Variants in GPC6 observed in about 807,000 individuals in gnomAD.
The protein encoded by GPC6 is glypican 6.
Under a neutral mutation model 55.2 loss-of-function variants are expected in GPC6, and 14 were observed. The ratio of observed to expected loss-of-function variants is 0.25; its 90% CI spans 0.17 to 0.40. GPC6 has a LOEUF of 0.40. Among genes scored for constraint, GPC6 ranks in the 10% least tolerant of loss-of-function variants. The pLI, the probability that GPC6 is intolerant of heterozygous loss-of-function variation, is 1.00. For missense variants in GPC6, 641 were observed against 708.5 expected, an observed-to-expected ratio of 0.90 and a Z score of 1.08; for synonymous variants, 278 against 259.6, an observed-to-expected ratio of 1.07 and a Z score of -0.68.
At chr13:93,560,598 G>A (rs551891012) in intron 2 of GPC6, among the ~76,000 whole-genome samples, 23 of 151,568 alleles carry the variant, frequency 1.5e-4, no homozygotes, top group South Asian at 4.2e-4. Context: ...GCTCATGCCT[G>A]TAATCCCAGC....
chr13:93,443,285 C>A (rs573890056), intron 1 of GPC6, among the ~76,000 whole-genome samples: 15 of 152,072 alleles, frequency 9.9e-5, no homozygotes, highest in Non-Finnish European at 2.1e-4. Context: ...CGCTAGGGAC[C>A]AATTCTTATG....
At chr13:94,301,057 A>G (rs1409040716) in intron 5 of GPC6, among the ~76,000 whole-genome samples, 1 of 152,182 alleles carries the variant, frequency 6.6e-6, no homozygotes. Context: ...CCATGAGGAA[A>G]CCATGGTCAA....
intron 1 of GPC6, among the ~76,000 whole-genome samples, chr13:93,241,859 T>C (rs1876442674): frequency 6.6e-6 from 1 of 151,990 alleles, no homozygotes; most frequent in African/African-American, 2.4e-5. Flanking sequence ...GATGTAACTA[T>C]AATGTGTATA....
chr13:93,891,503 A>C (rs977426945), intron 3 of GPC6, among the ~76,000 whole-genome samples: 56 of 152,122 alleles, frequency 3.7e-4, no homozygotes, highest in African/African-American at 1.3e-3. Context: ...CTCTGCAGAA[A>C]CACAGCTCTG....
At chr13:94,374,674 A>T (rs372710537) in intron 6 of GPC6, among the ~76,000 whole-genome samples, 1 of 151,476 alleles carries the variant, frequency 6.6e-6, no homozygotes, top group Admixed American at 6.6e-5. Flanking sequence ...TCAACAAGGA[A>T]ACCCAGGAAT....
chr13:93,237,527 T>C (rs1015027995), intron 1 of GPC6, among the ~76,000 whole-genome samples: 4 of 152,208 alleles, frequency 2.6e-5, no homozygotes, highest in Non-Finnish European at 4.4e-5. Flanking sequence ...GTTTGTTTAC[T>C]CTTTTGATTA....
chr13:93,818,158 G>A (rs954336036), intron 2 of GPC6, among the ~76,000 whole-genome samples: 2 of 148,940 alleles, frequency 1.3e-5, no homozygotes, highest in Admixed American at 6.7e-5. Context: ...AGAAATGAAG[G>A]TAGGATATAG....
At chr13:94,369,977 T>A (rs1047117396) in intron 6 of GPC6, among the ~76,000 whole-genome samples, 23 of 152,240 alleles carry the variant, frequency 1.5e-4, no homozygotes, top group African/African-American at 5.5e-4. Flanking sequence ...TTGACAAATA[T>A]TTATGAAGCA....
chr13:94,057,577 C>T (rs556233999), intron 4 of GPC6, among the ~76,000 whole-genome samples: 2 of 152,190 alleles, frequency 1.3e-5, no homozygotes, highest in South Asian at 2.1e-4. Context: ...TATTGTTCTC[C>T]ATTATTGGGA....
intron 3 of GPC6, among the ~76,000 whole-genome samples, chr13:94,018,745 A>C (rs1019324610): frequency 6.6e-6 from 1 of 152,218 alleles, no homozygotes; most frequent in Non-Finnish European, 1.5e-5. Context: ...ACACAGCAGG[A>C]CATGAGCACC....
chr13:93,946,384 G>T (rs1879011196), intron 3 of GPC6, among the ~76,000 whole-genome samples: 2 of 152,036 alleles, frequency 1.3e-5, no homozygotes, highest in African/African-American at 4.8e-5. Flanking sequence ...CTCCTGCCTT[G>T]GCCTCCAAAA....
At chr13:94,311,841 C>T (rs1368342919) in intron 6 of GPC6, among the ~76,000 whole-genome samples, 1 of 152,072 alleles carries the variant, frequency 6.6e-6, no homozygotes, top group Non-Finnish European at 1.5e-5. Context: ...CTCAAGGGCT[C>T]CTGACACTAA....
chr13:93,953,817 T>C (rs1879372842), intron 3 of GPC6, among the ~76,000 whole-genome samples: 1 of 152,210 alleles, frequency 6.6e-6, no homozygotes, highest in African/African-American at 2.4e-5. Flanking sequence ...TCATATTCTG[T>C]ATTGATTATC....
intron 3 of GPC6, among the ~76,000 whole-genome samples, chr13:94,002,584 G>A (rs1029453671): frequency 6.6e-6 from 1 of 151,932 alleles, no homozygotes. Context: ...CTTAAAGTAG[G>A]GATGTAAAAG....
At chr13:94,069,338 C>T (rs1884647231) in intron 4 of GPC6, among the ~76,000 whole-genome samples, 1 of 152,198 alleles carries the variant, frequency 6.6e-6, no homozygotes, top group South Asian at 2.1e-4. Context: ...GGACCCTGGA[C>T]CTGGCCCATA....
At chr13:93,968,369 C>T (rs1880139694) in intron 3 of GPC6, among the ~76,000 whole-genome samples, 1 of 152,126 alleles carries the variant, frequency 6.6e-6, no homozygotes, top group Admixed American at 6.5e-5. Context: ...AAAGGCATTT[C>T]TATAATCACT....
chr13:93,391,597 G>A (rs1004097843), intron 1 of GPC6, among the ~76,000 whole-genome samples: 4 of 152,134 alleles, frequency 2.6e-5, no homozygotes, highest in East Asian at 1.9e-4. Context: ...ATATGCATTC[G>A]TTTTGTTAAA....
At chr13:93,444,334 C>T (rs1420112099) in intron 1 of GPC6, among the ~76,000 whole-genome samples, 3 of 151,788 alleles carry the variant, frequency 2.0e-5, no homozygotes, top group Admixed American at 6.6e-5. Context: ...GCTACCCTGG[C>T]GCCGTGTCTC....
Position 93,669,429 on chromosome 13 carries a change from A to G in GPC6, c.319+124008A>G, listed in dbSNP as rs1298347933. Among the ~76,000 whole-genome samples, 4 of 152,194 alleles carry G rather than the reference A, an allele frequency of 2.6e-5. No individual in the cohort carries two copies. In the South Asian group the frequency reaches 8.3e-4, roughly 32 times the overall value. On this transcript the variant is annotated intron_variant, in intron 2 of 8. Transcript: ENST00000377047. ...CACTACATGTGCAGTGTGGAAAACCAAGAGAGAGAATACAGGAAGTTGTAA... is the reference window on the plus strand; with the variant it reads ...CACTACATGTGCAGTGTGGAAAACCGAGAGAGAGAATACAGGAAGTTGTAA...
Sources: allele counts gnomAD v4.1 joint callset (sites outside exome capture counted in the v4.1 genomes callset), GRCh38; gene constraint gnomAD v4.1.1; transcripts MANE v1.5; gene names NCBI Gene and HGNC (gene_info 2026-07-23, HGNC 2026-07-21).